BPTF: variants seen among roughly 807,000 people sequenced by gnomAD.
BPTF encodes bromodomain PHD finger transcription factor, also known as nucleosome-remodeling factor subunit BPTF.
BPTF carries 18 observed loss-of-function variants against 292.5 expected under a neutral mutation model. The observed-to-expected ratio is 0.06, with a 90% CI of 0.04 to 0.09. The LOEUF (loss-of-function observed/expected upper bound fraction) is 0.09, where lower values mean the gene tolerates loss of function less well. Among genes scored for constraint, BPTF ranks in the 10% least tolerant of loss-of-function variants. The probability of loss-of-function intolerance (pLI) is 1.00; values close to 1 mark genes in which losing one functional copy is unlikely to be tolerated. For missense variants in BPTF, 2,726 were observed against 3,498.7 expected (o/e 0.78, Z 5.57); for synonymous variants, 1,225 against 1,251.9 (o/e 0.98, Z 0.45).
chr17:67,959,660 C>CCCTCCACCT lies in BPTF; in HGVS notation c.8047_8055dup (p.Pro2683_Pro2685dup), dbSNP rs1555682913. The CCCTCCACCT allele has an allele frequency of 6.2e-7, 1 of 1,611,822 alleles. No homozygotes were observed. The highest frequency in any genetic ancestry group is 8.5e-7 in the Non-Finnish European group (1 of 1,179,010). On this transcript the variant is annotated inframe_insertion, in exon 24 of 28. Transcript: ENST00000306378. ...CACCAGCTCCTCCAGCCCCTCCAGCCCCTCCACCTTCACCTCCCCCTCCAC... is the reference window on the plus strand; with the variant it reads ...CACCAGCTCCTCCAGCCCCTCCAGCCCCTCCACCTCCTCCACCTTCACCTCCCCCTCCAC...
At chr17:67,974,966 T>G (rs1555693044) in intron 26 of BPTF, 1 of 152,096 alleles carries the variant, frequency 6.6e-6, no homozygotes, top group Non-Finnish European at 1.5e-5. Flanking sequence ...GGACTAAAAG[T>G]CCCAACCCTC....
rs565064003 is a variant in BPTF at position 67,976,346 on chromosome 17, G to A, written c.8726+388G>A. Among the ~76,000 whole-genome samples, 60 of 152,232 alleles carry A rather than the reference G, an allele frequency of 3.9e-4. 1 individual carries two copies. Among genetic ancestry groups the A allele is most frequent in the African/African-American group, 1.3e-3 (56 of 41,542 alleles). On this transcript the variant is annotated intron_variant, in intron 27 of 27. Transcript: ENST00000306378. ...AAATTAGCCAGGTGTGGTGACGCACGCATGTAATCTCAGCTACTTGGGAGG... is the reference window on the plus strand; with the variant it reads ...AAATTAGCCAGGTGTGGTGACGCACACATGTAATCTCAGCTACTTGGGAGG...
At position 67,931,034 on chromosome 17, in the gene BPTF, A is replaced by AG. The variant is rs372693974; in HGVS notation, c.6151-871dup. 8.3e-3 allele frequency among the ~76,000 whole-genome samples: 1,256 copies of AG among 151,988 alleles called. 26 individuals carry two copies. Among genetic ancestry groups the AG allele is most frequent in the African/African-American group, 0.029 (1,200 of 41,472 alleles). ...GTAATCCCAGCACTTTGGGAAGCCA[A>AG]GGGGGGCGGATCACAAGGTCAAGAG... is the stretch of plus-strand genomic sequence containing the variant. On this transcript the variant is annotated intron_variant, in intron 17 of 27. Transcript: ENST00000306378.
At position 67,924,899 on chromosome 17, in the gene BPTF, C is replaced by G. The variant is rs148388833; in HGVS notation, c.5751+310C>G. Reference sequence around the variant, plus strand: ...TAGTAGTTGAGACTACAGGCACACACCACCATGCCCAGCTAATATTTGTAT... The same window carrying G: ...TAGTAGTTGAGACTACAGGCACACAGCACCATGCCCAGCTAATATTTGTAT... On this transcript the variant is annotated intron_variant, in intron 15 of 27. Transcript: ENST00000306378. Among the ~76,000 whole-genome samples, 1,090 of 152,152 alleles carry G rather than the reference C, an allele frequency of 7.2e-3. 4 individuals are homozygous for G. The highest frequency in any genetic ancestry group is 0.015 in the South Asian group (73 of 4,814).
intron 11 of BPTF, 90 bp from the exon 12 acceptor site, chr17:67,918,624 C>G (rs968014933): frequency 8.0e-7 from 1 of 1,247,246 alleles, no homozygotes; most frequent in Admixed American, 2.1e-5. Context: ...ACAAGAAACA[C>G]AGCCCTTCAG....
At chr17:67,928,966 C>T (rs1278882327) in intron 16 of BPTF, 70 of 1,167,008 alleles carry the variant, frequency 6.0e-5, no homozygotes, top group Non-Finnish European at 7.3e-5. Context: ...TAGCCACCAG[C>T]ACAGCTGCCA....
intron 27 of BPTF, among the ~76,000 whole-genome samples, chr17:67,981,927 T>C (rs2070430007): frequency 7.1e-6 from 1 of 141,806 alleles, no homozygotes; most frequent in African/African-American, 2.5e-5. Flanking sequence ...TGGTAATGCT[T>C]CTGTAAATGC....
At chr17:67,891,776 G>T (rs2061131754) in intron 4 of BPTF, 68 bp from the exon 5 acceptor site, 1 of 1,260,852 alleles carries the variant, frequency 7.9e-7, no homozygotes. Context: ...ACGAGTTTTG[G>T]TGAAATAAGG....
chr17:67,877,992 T>G (rs543109191), intron 4 of BPTF, among the ~76,000 whole-genome samples: 1 of 152,336 alleles, frequency 6.6e-6, no homozygotes, highest in African/African-American at 2.4e-5. Context: ...GTGAATAACT[T>G]GATGGATGTT....
intron 2 of BPTF, among the ~76,000 whole-genome samples, chr17:67,860,554 A>T (rs2145246751): frequency 6.6e-6 from 1 of 152,358 alleles, no homozygotes; most frequent in South Asian, 2.1e-4. Flanking sequence ...TATAACTCAG[A>T]GGCCAGTTTT....
At chr17:67,976,302 G>A (rs56092143) in intron 27 of BPTF, among the ~76,000 whole-genome samples, 19 of 152,274 alleles carry the variant, frequency 1.2e-4, no homozygotes, top group African/African-American at 4.1e-4. Flanking sequence ...GGGAAACCCC[G>A]TCTCTACCAA....
chr17:67,826,584 C>CT lies in BPTF; in HGVS notation c.613+247_613+248insT, dbSNP rs886176923. 1.2e-4 allele frequency among the ~76,000 whole-genome samples: 18 copies of CT among 147,208 alleles called. 2 individuals carry two copies. The highest frequency in any genetic ancestry group is 4.6e-4 in the South Asian group (2 of 4,368). On this transcript the variant is annotated intron_variant, in intron 1 of 27. Coordinates refer to ENST00000306378, the MANE Select transcript of BPTF (RefSeq NM_182641.4). ...GCCACACTCGCTCGCTCTCTCTCCC[C>CT]CCCCCAACCCCCTTTTTTTCCTCTT... is the stretch of plus-strand genomic sequence containing the variant.
At chr17:67,889,262 C>G (rs958341486) in intron 4 of BPTF, among the ~76,000 whole-genome samples, 1 of 152,170 alleles carries the variant, frequency 6.6e-6, no homozygotes, top group Non-Finnish European at 1.5e-5. Flanking sequence ...TCCTTTAAGT[C>G]TTACCCCTGT....
At chr17:67,941,672 CTG>C (rs781920725) in intron 19 of BPTF, among the ~76,000 whole-genome samples, 14 of 152,054 alleles carry the variant, frequency 9.2e-5, no homozygotes, top group Non-Finnish European at 1.9e-4. Flanking sequence ...ACATGGGAAA[CTG>C]TGAAATTGGA....
At chr17:67,901,722 T>C (rs1217882886) in intron 7 of BPTF, among the ~76,000 whole-genome samples, 1 of 152,246 alleles carries the variant, frequency 6.6e-6, no homozygotes, top group South Asian at 2.1e-4. Flanking sequence ...TGAGTTTGAC[T>C]AACAGTTTAG....
intron 23 of BPTF, among the ~76,000 whole-genome samples, chr17:67,948,642 G>A (rs1168368242): frequency 2.6e-5 from 4 of 152,204 alleles, no homozygotes; most frequent in African/African-American, 9.6e-5. Context: ...GAAAGGTACA[G>A]AGACAGTGAA....
chr17:67,855,610 C>A (rs566536787), intron 2 of BPTF, among the ~76,000 whole-genome samples: 3 of 152,254 alleles, frequency 2.0e-5, no homozygotes, highest in African/African-American at 7.2e-5. Flanking sequence ...TCTGGGAAGC[C>A]TGTGGGCGAG....
chr17:67,919,778 G>A (rs1210977341), intron 12 of BPTF, among the ~76,000 whole-genome samples: 3 of 152,152 alleles, frequency 2.0e-5, no homozygotes, highest in Admixed American at 6.5e-5. Flanking sequence ...ATTGCCACCA[G>A]GAGCTCAGCT....
intron 26 of BPTF, among the ~76,000 whole-genome samples, chr17:67,970,419 T>C (rs574135247): frequency 6.6e-6 from 1 of 152,152 alleles, no homozygotes; most frequent in Admixed American, 6.5e-5. Context: ...ATAAAATACA[T>C]ATATACATAC....
Sources: allele counts gnomAD v4.1 joint callset (sites outside exome capture counted in the v4.1 genomes callset), GRCh38; gene constraint gnomAD v4.1.1; transcripts MANE v1.5; gene names NCBI Gene and HGNC (gene_info 2026-07-23, HGNC 2026-07-21).